Variants in PRKCE observed in about 807,000 individuals in gnomAD.
PRKCE encodes protein kinase C epsilon.
In PRKCE, 16 loss-of-function variants were observed where a neutral mutation model predicts 85.4. That is an observed-to-expected ratio of 0.19 (90% CI 0.13 to 0.28). PRKCE has a LOEUF of 0.28. Ranked by LOEUF, PRKCE falls within the 10% of genes least tolerant of loss-of-function variation. The pLI, the probability that PRKCE is intolerant of heterozygous loss-of-function variation, is 1.00. For missense variants in PRKCE, 573 were observed against 975.2 expected (o/e 0.59, Z 5.49); for synonymous variants, 388 against 371.5 (o/e 1.04, Z -0.51).
intron 2 of PRKCE, among the ~76,000 whole-genome samples, chr2:45,965,557 G>C (rs561910465): frequency 6.6e-6 from 1 of 152,144 alleles, no homozygotes; most frequent in Non-Finnish European, 1.5e-5. Flanking sequence ...CTGTACTCTG[G>C]ACTATCATGG....
At chr2:45,722,493 A>T (rs1365931884) in intron 1 of PRKCE, among the ~76,000 whole-genome samples, 2 of 152,206 alleles carry the variant, frequency 1.3e-5, no homozygotes, top group Non-Finnish European at 2.9e-5. Context: ...CCCAGACCAC[A>T]CTTTGGGAAC....
chr2:45,917,947 G>A (rs1427111236), intron 2 of PRKCE, among the ~76,000 whole-genome samples: 2 of 152,194 alleles, frequency 1.3e-5, no homozygotes, highest in African/African-American at 4.8e-5. Context: ...GGCTGGCAGG[G>A]CCGGCGGCCG....
At chr2:45,812,928 A>T (rs1052988585) in intron 1 of PRKCE, among the ~76,000 whole-genome samples, 2 of 152,208 alleles carry the variant, frequency 1.3e-5, no homozygotes, top group African/African-American at 2.4e-5. Context: ...ACATGTTTGA[A>T]TTTTTTAAAG....
chr2:46,007,712 T>C, intron 9 of PRKCE, 51 bp downstream of exon 9: 1 of 1,546,646 alleles, frequency 6.5e-7, no homozygotes, highest in Non-Finnish European at 8.8e-7. Context: ...CTCCTTAGCA[T>C]TGTTTCGTCT....
chr2:46,090,326 C>T (rs187214066), intron 11 of PRKCE, among the ~76,000 whole-genome samples: 5 of 152,282 alleles, frequency 3.3e-5, no homozygotes, highest in Non-Finnish European at 5.9e-5. Flanking sequence ...CAGCTGTGAG[C>T]GGCCTCCCCT....
At chr2:45,692,368 G>A (rs1295899139) in intron 1 of PRKCE, among the ~76,000 whole-genome samples, 1 of 152,030 alleles carries the variant, frequency 6.6e-6, no homozygotes, top group Non-Finnish European at 1.5e-5. Flanking sequence ...AGGTACTCCT[G>A]GGCTTGTGTT....
intron 1 of PRKCE, among the ~76,000 whole-genome samples, chr2:45,838,684 C>T (rs765586911): frequency 1.2e-4 from 19 of 152,112 alleles, no homozygotes; most frequent in Non-Finnish European, 2.2e-4. Context: ...AGTGCAGTGG[C>T]GCATTGCAGC....
intron 2 of PRKCE, among the ~76,000 whole-genome samples, chr2:45,889,655 A>G (rs1695568456): frequency 6.6e-6 from 1 of 152,206 alleles, no homozygotes; most frequent in South Asian, 2.1e-4. Context: ...GAAGTCAGGC[A>G]TGCCTTAAAT....
Position 46,001,274 on chromosome 2 carries a change from T to TG in PRKCE, c.824-130_824-129insG. ...AGACATATATATATATATATATATT[T>TG]CTGTATTTTCCAAATTATATCTTAA... On this transcript the variant is annotated intron_variant, in intron 6 of 14. Coordinates refer to ENST00000306156, the MANE Select transcript of PRKCE (RefSeq NM_005400.3). The surrounding 1 kb of genome is among the most constrained non-coding windows in gnomAD (Gnocchi z 4.4). The TG allele has an allele frequency of 1.6e-6, 1 of 638,484 alleles. No individual in the cohort carries two copies. The highest frequency in any genetic ancestry group is 2.1e-6 in the Non-Finnish European group (1 of 465,160). 39.6% of individuals were successfully genotyped at this position (638,484 alleles called of 1,614,324 possible). A position where few individuals can be genotyped will look rare whatever the true frequency, so the allele number is the denominator to read the frequency against.
intron 1 of PRKCE, among the ~76,000 whole-genome samples, chr2:45,705,998 A>T (rs1327899348): frequency 6.6e-6 from 1 of 152,198 alleles, no homozygotes; most frequent in African/African-American, 2.4e-5. Flanking sequence ...TCCCCAGGTC[A>T]TAGTAGCCAA....
chr2:45,781,085 C>T (rs928170551), intron 1 of PRKCE, among the ~76,000 whole-genome samples: 1 of 152,084 alleles, frequency 6.6e-6, no homozygotes, highest in South Asian at 2.1e-4. Context: ...GTAATCCCAG[C>T]ACTTTGGGAG....
At chr2:46,086,629 G>A (rs894275202) in intron 11 of PRKCE, among the ~76,000 whole-genome samples, 2 of 152,174 alleles carry the variant, frequency 1.3e-5, no homozygotes, top group African/African-American at 4.8e-5. Context: ...CTTGGTGCCA[G>A]GTGACCTTGG....
intron 2 of PRKCE, among the ~76,000 whole-genome samples, chr2:45,941,923 T>C (rs1315079399): frequency 6.6e-6 from 1 of 152,204 alleles, no homozygotes; most frequent in African/African-American, 2.4e-5. Flanking sequence ...TTACCTCTTC[T>C]ACCCTGATTA....
At chr2:45,899,950 C>G (rs547083178) in intron 2 of PRKCE, among the ~76,000 whole-genome samples, 11 of 152,306 alleles carry the variant, frequency 7.2e-5, no homozygotes, top group Admixed American at 6.5e-4. Flanking sequence ...AGCCCGGGCT[C>G]AACTATGAAA....
At chr2:45,756,560 T>G (rs1684021758) in intron 1 of PRKCE, among the ~76,000 whole-genome samples, 1 of 152,208 alleles carries the variant, frequency 6.6e-6, no homozygotes, top group Non-Finnish European at 1.5e-5. Flanking sequence ...CAGCTTCACT[T>G]GTAATAGTCT....
intron 1 of PRKCE, among the ~76,000 whole-genome samples, chr2:45,687,559 A>G (rs1677395010): frequency 6.6e-6 from 1 of 152,230 alleles, no homozygotes; most frequent in Admixed American, 6.5e-5. Context: ...TTCCACTTCC[A>G]GAAATGTTGT....
intron 2 of PRKCE, among the ~76,000 whole-genome samples, chr2:45,936,588 G>T (rs1573943174): frequency 6.6e-6 from 1 of 152,166 alleles, no homozygotes; most frequent in Non-Finnish European, 1.5e-5. Flanking sequence ...TGGTGGAAGG[G>T]TTTGGAAAAT....
chr2:45,774,055 C>T lies in PRKCE; in HGVS notation c.349-68945C>T, dbSNP rs1476615650. ...TTCCTTCTAGACCCCAGAGTCCTCCCCTCCCCCGCTGCTGCTGTTCATCTT... is the reference window on the plus strand; with the variant it reads ...TTCCTTCTAGACCCCAGAGTCCTCCTCTCCCCCGCTGCTGCTGTTCATCTT... On this transcript the variant is annotated intron_variant, in intron 1 of 14. Transcript: ENST00000306156. The surrounding 1 kb of genome is among the most constrained non-coding windows in gnomAD (Gnocchi z 4.3). 2.0e-5 allele frequency among the ~76,000 whole-genome samples: 3 copies of T among 152,304 alleles called. No individual in the cohort carries two copies. The highest frequency in any genetic ancestry group is 3.9e-4 in the East Asian group (2 of 5,190).
In PRKCE at chr2:45,896,552, T is replaced by A. The variant is rs1297964092; in HGVS notation, c.412+53489T>A. 2.0e-5 allele frequency among the ~76,000 whole-genome samples: 3 copies of A among 152,176 alleles called. No individual in the cohort carries two copies. The East Asian group carries it at 5.8e-4, about 29-fold the overall frequency. On this transcript the variant is annotated intron_variant, in intron 2 of 14. Transcript: ENST00000306156. ...TATATACTAGGTTTACATATTCGAA[T>A]CAAGAAACAGGTTTTTCTGGGAAAT...
Sources: gnomAD v4.1 joint callset for allele counts (sites outside exome capture counted in the v4.1 genomes callset) on GRCh38, gnomAD v4.1.1 for gene constraint, Gnocchi (gnomAD v3.1) non-coding constraint, MANE v1.5 for transcripts, NCBI Gene and HGNC (gene_info 2026-07-23, HGNC 2026-07-21) for gene names.